Variants in RNF13 observed in about 807,000 individuals in gnomAD.
RNF13 encodes E3 ubiquitin-protein ligase RNF13.
Under a neutral mutation model 37.7 loss-of-function variants are expected in RNF13, and 19 were observed. The ratio of observed to expected loss-of-function variants is 0.50; its 90% confidence interval spans 0.35 to 0.74. The LOEUF (loss-of-function observed/expected upper bound fraction) is 0.74. Ranked by LOEUF, RNF13 falls within the 30% of genes least tolerant of loss-of-function variation. RNF13 has a pLI of 0.01. For missense variants in RNF13, 375 were observed against 453.0 expected, an observed-to-expected ratio of 0.83 and a Z score of 1.56; for synonymous variants, 144 against 157.8, an observed-to-expected ratio of 0.91 and a Z score of 0.65.
At chr3:149,914,830 C>T (rs546160863) in intron 7 of RNF13, among the ~76,000 whole-genome samples, 12 of 151,738 alleles carry the variant, frequency 7.9e-5, no homozygotes, top group East Asian at 1.9e-4. Flanking sequence ...CCCAGCTACT[C>T]GGGAGGCTGA....
rs141759576 is a variant in RNF13, at chr3:149,847,112, G to A, written c.114+972G>A. 2.5e-3 allele frequency among the ~76,000 whole-genome samples: 376 copies of A among 152,286 alleles called. 1 individual carries two copies. Among genetic ancestry groups the A allele is most frequent in the African/African-American group, 8.5e-3 (352 of 41,570 alleles). ...GCATTCAGTACGCACCTCAACTTAT[G>A]ATGAGATTATGTTCCAACAACCCCA... On this transcript the variant is annotated intron_variant, in intron 2 of 9. Coordinates refer to ENST00000392894, the MANE Select transcript of RNF13 (RefSeq NM_183381.3).
chr3:149,948,521 GT>G (rs1721000553), intron 8 of RNF13, among the ~76,000 whole-genome samples: 1 of 151,604 alleles, frequency 6.6e-6, no homozygotes, highest in Admixed American at 6.6e-5. Context: ...CTTCCTTATG[GT>G]TACCCTTGCA....
intron 8 of RNF13, among the ~76,000 whole-genome samples, chr3:149,932,135 C>T (rs913273962): frequency 1.3e-5 from 2 of 152,174 alleles, no homozygotes; most frequent in African/African-American, 2.4e-5. Context: ...AATAGTGCTG[C>T]AGTAAACATG....
At position 149,911,984 on chromosome 3, in the gene RNF13, C is replaced by G. The variant is rs1194959761; in HGVS notation, c.507C>G (p.His169Gln). Reference protein sequence around the residue: ...KDEFTYEKGGHLILVPEFSLP... With the variant: ...KDEFTYEKGGQLILVPEFSLP... ...GATTTTTGTTTTCTTCTAGGGGCCA[C>G]CTTATCTTAGTTCCAGAATTTAGTC... Residue 169 changes from histidine (H) to glutamine (Q), a missense_variant, in exon 7 of 10, where the codon CAC becomes CAG. His to Gln is a conservative substitution (Grantham distance 24, BLOSUM62 0). Transcript: ENST00000392894. 1 of 1,549,782 alleles carries G rather than the reference C, an allele frequency of 6.5e-7. No homozygotes were observed.
intron 4 of RNF13, among the ~76,000 whole-genome samples, chr3:149,889,967 G>T (rs906390671): frequency 6.6e-6 from 1 of 152,116 alleles, no homozygotes; most frequent in East Asian, 1.9e-4. Context: ...GAGCTATCGC[G>T]CCCGGCCTGA....
chr3:149,903,929 ATCTGTCTATCTG>A (rs1197129577), intron 6 of RNF13, among the ~76,000 whole-genome samples: 2 of 147,384 alleles, frequency 1.4e-5, no homozygotes, highest in African/African-American at 2.5e-5. Flanking sequence ...CTATCTATAT[ATCTGTCTATCTG>A]TCTGTCTGTC....
chr3:149,948,994 C>T (rs1464661192), intron 8 of RNF13, among the ~76,000 whole-genome samples: 1 of 151,956 alleles, frequency 6.6e-6, no homozygotes, highest in Non-Finnish European at 1.5e-5. Flanking sequence ...TGCCACTGCA[C>T]TCCAGCCTGG....
chr3:149,901,700 T>A (rs1285513679), intron 5 of RNF13, among the ~76,000 whole-genome samples: 1 of 152,214 alleles, frequency 6.6e-6, no homozygotes, highest in African/African-American at 2.4e-5. Flanking sequence ...GCTTTTTCTC[T>A]TTTTCATTTA....
intron 8 of RNF13, among the ~76,000 whole-genome samples, chr3:149,922,741 A>G (rs1021884539): frequency 3.9e-5 from 6 of 152,222 alleles, no homozygotes; most frequent in African/African-American, 1.4e-4. Context: ...AGATGAGGAA[A>G]AATCGGGTCA....
chr3:149,948,105 A>G (rs1720952003), intron 8 of RNF13, among the ~76,000 whole-genome samples: 1 of 152,026 alleles, frequency 6.6e-6, no homozygotes, highest in African/African-American at 2.4e-5. Context: ...ACACGCCACC[A>G]TGTCCAGCTA....
At chr3:149,945,389 G>A (rs776377999) in intron 8 of RNF13, among the ~76,000 whole-genome samples, 3 of 152,206 alleles carry the variant, frequency 2.0e-5, no homozygotes, top group Non-Finnish European at 2.9e-5. Flanking sequence ...CGCCATTGCT[G>A]AGGCTTGTGT....
chr3:149,947,255 TA>T (rs1720854959), intron 8 of RNF13, among the ~76,000 whole-genome samples: 1 of 152,156 alleles, frequency 6.6e-6, no homozygotes, highest in Admixed American at 6.6e-5. Flanking sequence ...AAGTGTTCTG[TA>T]TATGTTTGTT....
intron 8 of RNF13, among the ~76,000 whole-genome samples, chr3:149,937,329 G>A (rs180945734): frequency 6.6e-6 from 1 of 152,242 alleles, no homozygotes; most frequent in East Asian, 1.9e-4. Flanking sequence ...GGAACCGTAA[G>A]TCTTGGGAGA....
At chr3:149,864,716 T>C (rs113342453) in intron 3 of RNF13, among the ~76,000 whole-genome samples, 2,287 of 152,280 alleles carry the variant, frequency 0.015, 63 homozygotes, top group African/African-American at 0.051. Flanking sequence ...AAGGTTATAG[T>C]CATTAAATGT....
At chr3:149,879,301 C>T (rs1352664239) in intron 4 of RNF13, among the ~76,000 whole-genome samples, 1 of 127,878 alleles carries the variant, frequency 7.8e-6, no homozygotes, top group East Asian at 2.4e-4. Flanking sequence ...ACCTTGTTAT[C>T]AGGTAATTTT....
chr3:149,951,008 G>A (rs1278609049), intron 8 of RNF13, among the ~76,000 whole-genome samples: 1 of 152,150 alleles, frequency 6.6e-6, no homozygotes, highest in Non-Finnish European at 1.5e-5. Context: ...TTTTCTTGGG[G>A]AAAGGCCTTG....
At chr3:149,869,984 C>G (rs1205659402) in intron 3 of RNF13, among the ~76,000 whole-genome samples, 4 of 151,720 alleles carry the variant, frequency 2.6e-5, no homozygotes, top group African/African-American at 9.7e-5. Context: ...CCCAGTGGAC[C>G]TGTGGGACAA....
intron 3 of RNF13, among the ~76,000 whole-genome samples, chr3:149,859,425 G>A (rs889905696): frequency 2.0e-5 from 3 of 152,056 alleles, no homozygotes; most frequent in Non-Finnish European, 4.4e-5. Flanking sequence ...CAGGAATATA[G>A]CATTTCATTT....
At chr3:149,930,337 A>C (rs888985077) in intron 8 of RNF13, among the ~76,000 whole-genome samples, 1 of 152,068 alleles carries the variant, frequency 6.6e-6, no homozygotes, top group Non-Finnish European at 1.5e-5. Flanking sequence ...ATACTTGTGA[A>C]CTAGTTTGTT....
Sources: allele counts gnomAD v4.1 joint callset (sites outside exome capture counted in the v4.1 genomes callset), GRCh38; gene constraint gnomAD v4.1.1; transcripts MANE v1.5; gene names NCBI Gene and HGNC (gene_info 2026-07-23, HGNC 2026-07-21).